The following ACTR3C variants were observed in gnomAD, a reference collection of about 807,000 sequenced individuals.
ACTR3C encodes the protein actin-related protein 3C.
Under a neutral mutation model 26.3 loss-of-function variants are expected in ACTR3C, and 18 were observed. The observed-to-expected ratio is 0.68, with a 90% CI of 0.47 to 1.01. The LOEUF is 1.01. ACTR3C is among the 50% of genes least tolerant of loss of function. ACTR3C has a pLI of 0.00. For missense variants in ACTR3C, 184 were observed against 250.7 expected (o/e 0.73, Z 1.80); for synonymous variants, 55 against 94.5 (o/e 0.58, Z 2.42).
intron 6 of ACTR3C, 152 bp from the exon 7 acceptor site, chr7:150,249,206 A>G (rs1320888589): frequency 1.2e-5 from 5 of 416,814 alleles, no homozygotes; most frequent in Middle Eastern, 5.7e-4. Flanking sequence ...GAGAACACCA[A>G]TTCAAATGGT....
chr7:149,946,119 T>C, the ACTR3C span, among the ~76,000 whole-genome samples: 1 of 152,284 alleles, frequency 6.6e-6, no homozygotes, highest in East Asian at 1.9e-4. Flanking sequence ...CGCGTCTGCA[T>C]GAATAAATGT....
chr7:150,005,087 G>A, the ACTR3C span: 2 of 152,206 alleles, frequency 1.3e-5, no homozygotes. Flanking sequence ...GGTAAATACA[G>A]AAAGAGAGAA....
chr7:149,963,586 C>G, the ACTR3C span, among the ~76,000 whole-genome samples: 17 of 152,248 alleles, frequency 1.1e-4, no homozygotes, highest in South Asian at 3.1e-3. Flanking sequence ...AGAACAGAGC[C>G]CTTCAGAACA....
the ACTR3C span, among the ~76,000 whole-genome samples, chr7:150,228,660 C>A: frequency 6.6e-6 from 1 of 152,004 alleles, no homozygotes; most frequent in Non-Finnish European, 1.5e-5. Context: ...GGAAAGGAAC[C>A]TTGCTGACCC....
the ACTR3C span, among the ~76,000 whole-genome samples, chr7:149,993,373 A>C: frequency 6.6e-6 from 1 of 152,204 alleles, no homozygotes; most frequent in South Asian, 2.1e-4. Flanking sequence ...TATAATTTGC[A>C]CACTTATAAT....
the ACTR3C span, among the ~76,000 whole-genome samples, chr7:149,981,440 C>G: frequency 6.6e-6 from 1 of 151,082 alleles, no homozygotes; most frequent in African/African-American, 2.4e-5. Context: ...TAATGGCTTC[C>G]TAGTCTGATG....
the ACTR3C span, among the ~76,000 whole-genome samples, chr7:150,102,685 T>G: frequency 1.3e-5 from 2 of 151,980 alleles, no homozygotes; most frequent in Non-Finnish European, 2.9e-5. Flanking sequence ...TGGACCTTTC[T>G]TCAGGTTCTC....
chr7:150,211,958 A>G, the ACTR3C span, among the ~76,000 whole-genome samples: 2 of 146,600 alleles, frequency 1.4e-5, no homozygotes, highest in South Asian at 4.2e-4. Context: ...AACGTCTCAT[A>G]ATGCCTAAAT....
At chr7:149,886,382 A>G in the ACTR3C span, among the ~76,000 whole-genome samples, 1 of 152,246 alleles carries the variant, frequency 6.6e-6, no homozygotes, top group Non-Finnish European at 1.5e-5. Flanking sequence ...CAGTAAAAAC[A>G]CAAATGCTTT....
At chr7:149,962,265 G>A in the ACTR3C span, among the ~76,000 whole-genome samples, 1 of 152,148 alleles carries the variant, frequency 6.6e-6, no homozygotes, top group African/African-American at 2.4e-5. Context: ...AAGCTCACAG[G>A]AAGTGTACGC....
the ACTR3C span, among the ~76,000 whole-genome samples, chr7:150,125,701 C>T: frequency 6.6e-6 from 1 of 152,114 alleles, no homozygotes; most frequent in South Asian, 2.1e-4. Flanking sequence ...AGATTTATGT[C>T]TTATGGGTAC....
chr7:150,035,519 T>TGC, the ACTR3C span, among the ~76,000 whole-genome samples: 57 of 79,328 alleles, frequency 7.2e-4, no homozygotes, highest in Middle Eastern at 8.2e-3. Flanking sequence ...CAGTCCCCAC[T>TGC]CTCGTGGGGG....
At chr7:150,156,427 A>T in the ACTR3C span, among the ~76,000 whole-genome samples, 1 of 152,142 alleles carries the variant, frequency 6.6e-6, no homozygotes, top group Non-Finnish European at 1.5e-5. Flanking sequence ...TCACTAAATT[A>T]ATGTTTAAAC....
chr7:150,034,989 C>A, the ACTR3C span, among the ~76,000 whole-genome samples: 33 of 146,000 alleles, frequency 2.3e-4, no homozygotes, highest in African/African-American at 8.3e-4. Flanking sequence ...GGGTGCCTCC[C>A]CCTCCTGTGA....
chr7:150,068,890 A>T, the ACTR3C span, among the ~76,000 whole-genome samples: 1 of 152,102 alleles, frequency 6.6e-6, no homozygotes, highest in Non-Finnish European at 1.5e-5. Context: ...CTTTGTAAGG[A>T]AAAGACAGCC....
chr7:150,195,295 G>A, the ACTR3C span, among the ~76,000 whole-genome samples: 1 of 151,494 alleles, frequency 6.6e-6, no homozygotes, highest in African/African-American at 2.4e-5. Context: ...GTTATCTTTT[G>A]GAGCAATTAG....
At chr7:150,049,199 G>C in the ACTR3C span, among the ~76,000 whole-genome samples, 143 of 152,144 alleles carry the variant, frequency 9.4e-4, 1 homozygote, top group Non-Finnish European at 1.5e-3. Context: ...GCCCGGCCTG[G>C]CTTCTCTTCC....
At chr7:150,133,333 A>C in the ACTR3C span, among the ~76,000 whole-genome samples, 699 of 152,256 alleles carry the variant, frequency 4.6e-3, 7 homozygotes, top group African/African-American at 0.016. Context: ...CACTACAAGG[A>C]AGGCTTGGTA....
the ACTR3C span, among the ~76,000 whole-genome samples, chr7:149,962,693 A>C: frequency 1.9e-3 from 283 of 152,292 alleles, 2 homozygotes; most frequent in Middle Eastern, 6.8e-3. Context: ...TCCAGCACTA[A>C]AATTCCAATT....
Sources: allele counts gnomAD v4.1 joint callset (sites outside exome capture counted in the v4.1 genomes callset), GRCh38; gene constraint gnomAD v4.1.1; transcripts MANE v1.5; gene names NCBI Gene and HGNC (gene_info 2026-07-23, HGNC 2026-07-21).